C7: variants seen among roughly 807,000 people sequenced by gnomAD.
C7 encodes the protein complement component C7.
In C7, 83 loss-of-function variants were observed where a neutral mutation model predicts 104.8. That is an observed-to-expected ratio of 0.79 (90% CI 0.66 to 0.95). C7 has a LOEUF of 0.95. C7 is among the 40% of genes least tolerant of loss of function. The pLI is 0.00. For synonymous variants in C7, 415 were observed against 360.6 expected (o/e 1.15, Z -1.71); for missense variants, 1,070 against 1,011.2 (o/e 1.06, Z -0.79).
At chr5:40,918,816 A>G (rs914517350) in intron 1 of C7, among the ~76,000 whole-genome samples, 2 of 152,154 alleles carry the variant, frequency 1.3e-5, no homozygotes, top group African/African-American at 4.8e-5. Context: ...TAAGGATATG[A>G]TGGAAGAGAC....
chr5:40,974,134 T>C (rs1302266179), intron 15 of C7, among the ~76,000 whole-genome samples: 1 of 152,210 alleles, frequency 6.6e-6, no homozygotes, highest in East Asian at 1.9e-4. Context: ...TAATTCCCAT[T>C]GTTGTGCAAC....
intron 1 of C7, among the ~76,000 whole-genome samples, chr5:40,912,477 C>T (rs1739228995): frequency 6.6e-6 from 1 of 152,122 alleles, no homozygotes; most frequent in African/African-American, 2.4e-5. Flanking sequence ...ATCCTGGGCT[C>T]AAGTGATCCT....
chr5:40,964,715 C>T (rs1799850), intron 13 of C7, 26 bp from the exon 14 acceptor site: 2 of 1,604,670 alleles, frequency 1.2e-6, no homozygotes, highest in Non-Finnish European at 1.7e-6. Context: ...AAACTCTTTC[C>T]TTTTCCATCT....
At chr5:40,979,289 T>C (rs1740886503) in intron 16 of C7, among the ~76,000 whole-genome samples, 1 of 152,238 alleles carries the variant, frequency 6.6e-6, no homozygotes, top group African/African-American at 2.4e-5. Flanking sequence ...TGCAGTTTTA[T>C]GGACATGAAC....
intron 6 of C7, among the ~76,000 whole-genome samples, chr5:40,941,872 G>A (rs1739947110): frequency 6.6e-6 from 1 of 152,138 alleles, no homozygotes; most frequent in Admixed American, 6.5e-5. Context: ...GGTGATTATT[G>A]GTATAAGAAT....
intron 1 of C7, among the ~76,000 whole-genome samples, chr5:40,922,696 C>CA (rs780972661): frequency 0.046 from 5,189 of 113,986 alleles, 232 homozygotes; most frequent in Admixed American, 0.14. Context: ...GTGAGACTGT[C>CA]AAAAAAAAAA....
At chr5:40,919,359 A>G (rs1739393413) in intron 1 of C7, among the ~76,000 whole-genome samples, 1 of 152,040 alleles carries the variant, frequency 6.6e-6, no homozygotes, top group Non-Finnish European at 1.5e-5. Flanking sequence ...TCCTAACCTC[A>G]AGTGATCTGC....
At chr5:40,928,384 A>T (rs184193816) in intron 1 of C7, among the ~76,000 whole-genome samples, 196 bp from the exon 2 acceptor site, 1,951 of 152,282 alleles carry the variant, frequency 0.013, 16 homozygotes, top group Non-Finnish European at 0.019. Flanking sequence ...TAAATTTCAA[A>T]TTTCTTTGCC....
At chr5:40,961,189 T>G (rs1274664619) in intron 12 of C7, among the ~76,000 whole-genome samples, 3 of 152,218 alleles carry the variant, frequency 2.0e-5, no homozygotes, top group Non-Finnish European at 4.4e-5. Flanking sequence ...TATTTATTAG[T>G]TCATAATCTT....
chr5:40,963,740 G>A (rs1454688828), intron 13 of C7, among the ~76,000 whole-genome samples: 1 of 152,094 alleles, frequency 6.6e-6, no homozygotes, highest in Non-Finnish European at 1.5e-5. Flanking sequence ...CCCAGGCTCA[G>A]ACTTCAAATT....
intron 1 of C7, among the ~76,000 whole-genome samples, chr5:40,915,109 A>G (rs1014191788): frequency 6.6e-6 from 1 of 152,214 alleles, no homozygotes; most frequent in Non-Finnish European, 1.5e-5. Flanking sequence ...CATTTGTGCC[A>G]GAGTACAGTG....
chr5:40,909,974 ATTTT>A (rs1259880340), intron 1 of C7, among the ~76,000 whole-genome samples: 5 of 124,654 alleles, frequency 4.0e-5, no homozygotes, highest in African/African-American at 6.1e-5. Context: ...CCTCTGGTGT[ATTTT>A]TTTTTTTTTT....
At chr5:40,961,676 G>T (rs1456503841) in intron 12 of C7, among the ~76,000 whole-genome samples, 1 of 152,098 alleles carries the variant, frequency 6.6e-6, no homozygotes, top group Non-Finnish European at 1.5e-5. Context: ...GTGAGCTGTC[G>T]CATCTCGTCC....
intron 10 of C7, among the ~76,000 whole-genome samples, chr5:40,956,335 C>T (rs550988925): frequency 7.9e-5 from 12 of 152,238 alleles, no homozygotes; most frequent in South Asian, 6.2e-4. Context: ...GTCAGAAACC[C>T]GACAGACATT....
At chr5:40,976,552 G>C in intron 15 of C7, 198 bp from the exon 16 acceptor site, 1 of 393,838 alleles carries the variant, frequency 2.5e-6, no homozygotes, top group Non-Finnish European at 4.5e-6. Context: ...TACCAATGCA[G>C]TTATTTGTAA....
intron 13 of C7, among the ~76,000 whole-genome samples, chr5:40,962,897 T>A (rs1740453046): frequency 6.6e-6 from 1 of 152,302 alleles, no homozygotes; most frequent in African/African-American, 2.4e-5. Flanking sequence ...CCCTTGAACA[T>A]GCATTCACTG....
chr5:40,976,528 A>T (rs1016234504), intron 15 of C7: 19 of 338,500 alleles, frequency 5.6e-5, no homozygotes, highest in Non-Finnish European at 9.1e-5. Context: ...TGTTCACGAG[A>T]TGGTAGCTAT....
At chr5:40,964,111 C>T (rs939865039) in intron 13 of C7, among the ~76,000 whole-genome samples, 6 of 141,416 alleles carry the variant, frequency 4.2e-5, no homozygotes, top group Admixed American at 1.5e-4. Context: ...GGCACTATCT[C>T]GCCTCACTGC....
Position 40,958,547 on chromosome 5 carries a change from C to T in C7, c.1489+286C>T, listed in dbSNP as rs188345020. On this transcript the variant is annotated intron_variant, in intron 11 of 17. Transcript: ENST00000313164. ...ACACCTTCATCCTCTGTAATTACCT[C>T]AATAAGGTTTTGCTGTAGCAAAGGT... Among the ~76,000 whole-genome samples, 702 of 152,304 alleles carry T rather than the reference C, an allele frequency of 4.6e-3. 5 individuals carry two copies. The highest frequency in any genetic ancestry group is 0.016 in the African/African-American group (669 of 41,560).
Sources: allele counts gnomAD v4.1 joint callset (sites outside exome capture counted in the v4.1 genomes callset), GRCh38; gene constraint gnomAD v4.1.1; transcripts MANE v1.5; gene names NCBI Gene and HGNC (gene_info 2026-07-23, HGNC 2026-07-21).